The following GPC5 variants were observed in gnomAD, a reference collection of about 807,000 sequenced individuals.
The protein encoded by GPC5 is glypican 5.
A neutral mutation model predicts 53.9 loss-of-function variants in GPC5; 47 were observed. The observed-to-expected ratio is 0.87, with a 90% CI of 0.69 to 1.11. The LOEUF (loss-of-function observed/expected upper bound fraction) is 1.11. Among genes scored for constraint, GPC5 ranks in the 50% most tolerant of loss-of-function variants. The pLI is 0.00. For missense variants in GPC5, 748 were observed against 713.1 expected (o/e 1.05, Z -0.56); for synonymous variants, 286 against 263.3 (o/e 1.09, Z -0.84).
chr13:92,590,274 A>G (rs1229113498), intron 7 of GPC5, among the ~76,000 whole-genome samples: 1 of 152,122 alleles, frequency 6.6e-6, no homozygotes, highest in African/African-American at 2.4e-5. Flanking sequence ...CTTAAGAACA[A>G]AGGAGGACAC....
chr13:91,572,063 A>ATATG (rs1555326020), intron 2 of GPC5, among the ~76,000 whole-genome samples: 1 of 129,800 alleles, frequency 7.7e-6, no homozygotes, highest in African/African-American at 4.0e-5. Context: ...GTATATATAC[A>ATATG]TGTATATACA....
At chr13:91,559,399 A>G (rs2031134400) in intron 2 of GPC5, among the ~76,000 whole-genome samples, 2 of 152,288 alleles carry the variant, frequency 1.3e-5, no homozygotes, top group South Asian at 4.1e-4. Flanking sequence ...AAAGCCACAG[A>G]CTGAGAACCA....
chr13:92,167,738 A>G (rs1312537559), intron 7 of GPC5, among the ~76,000 whole-genome samples: 1 of 152,210 alleles, frequency 6.6e-6, no homozygotes, highest in Non-Finnish European at 1.5e-5. Flanking sequence ...ATCCCACTCT[A>G]CTGGTCTGAA....
At chr13:92,802,052 T>C (rs1228832877) in intron 7 of GPC5, among the ~76,000 whole-genome samples, 1 of 151,852 alleles carries the variant, frequency 6.6e-6, no homozygotes, top group Non-Finnish European at 1.5e-5. Context: ...TTCACATTCA[T>C]TCATTACTCA....
chr13:91,421,509 G>C (rs1878633345), intron 1 of GPC5, among the ~76,000 whole-genome samples: 1 of 152,010 alleles, frequency 6.6e-6, no homozygotes, highest in Non-Finnish European at 1.5e-5. Flanking sequence ...GATGATAAAA[G>C]TGAATAAAGG....
At chr13:92,799,710 A>G (rs1876830931) in intron 7 of GPC5, among the ~76,000 whole-genome samples, 1 of 151,770 alleles carries the variant, frequency 6.6e-6, no homozygotes, top group African/African-American at 2.4e-5. Context: ...GTTTGTGTTA[A>G]TACTACCATG....
At chr13:91,795,984 C>T (rs370933601) in intron 5 of GPC5, among the ~76,000 whole-genome samples, 5 of 152,012 alleles carry the variant, frequency 3.3e-5, no homozygotes, top group East Asian at 1.9e-4. Flanking sequence ...CTTTTGTTAC[C>T]GGGGGTCTTT....
chr13:92,330,304 C>T (rs924389513), intron 7 of GPC5, among the ~76,000 whole-genome samples: 5 of 152,126 alleles, frequency 3.3e-5, no homozygotes, highest in Non-Finnish European at 7.4e-5. Flanking sequence ...AGTTGTCCTC[C>T]AAAGTCCCCT....
chr13:91,750,610 C>T (rs1379578510), intron 4 of GPC5, among the ~76,000 whole-genome samples: 4 of 149,914 alleles, frequency 2.7e-5, no homozygotes, highest in Non-Finnish European at 4.4e-5. Context: ...ATTGAGCTGG[C>T]AACTGAGATT....
At chr13:92,046,074 G>A (rs114106270) in intron 6 of GPC5, among the ~76,000 whole-genome samples, 5 of 151,124 alleles carry the variant, frequency 3.3e-5, no homozygotes, top group African/African-American at 9.8e-5. Context: ...TCGCACCACC[G>A]CACTCCACAC....
chr13:92,169,191 C>T (rs889771237), intron 7 of GPC5, among the ~76,000 whole-genome samples: 5 of 151,714 alleles, frequency 3.3e-5, no homozygotes, highest in South Asian at 4.2e-4. Context: ...GGTGGGGTGG[C>T]GGGAAGGGAG....
chr13:92,765,992 G>C (rs1344618760), intron 7 of GPC5, among the ~76,000 whole-genome samples: 1 of 151,998 alleles, frequency 6.6e-6, no homozygotes, highest in Non-Finnish European at 1.5e-5. Flanking sequence ...TGCTGAGTTT[G>C]GGCTCAAAGT....
At chr13:92,215,542 C>T (rs2042403714) in intron 7 of GPC5, among the ~76,000 whole-genome samples, 1 of 152,158 alleles carries the variant, frequency 6.6e-6, no homozygotes, top group Non-Finnish European at 1.5e-5. Context: ...GTGACTCTAT[C>T]CCCTGCATCT....
chr13:91,708,431 G>A (rs1034823923), intron 3 of GPC5, among the ~76,000 whole-genome samples: 3 of 152,004 alleles, frequency 2.0e-5, no homozygotes, highest in East Asian at 1.9e-4. Flanking sequence ...CCAAAAGACC[G>A]CATATTGTAA....
At chr13:92,058,180 A>T (rs535461327) in intron 6 of GPC5, among the ~76,000 whole-genome samples, 10 of 152,218 alleles carry the variant, frequency 6.6e-5, no homozygotes, top group South Asian at 4.2e-4. Flanking sequence ...TAGATTTTTT[A>T]AAAAATATAT....
At chr13:92,347,882 T>TATTA (rs1491589093) in intron 7 of GPC5, among the ~76,000 whole-genome samples, 2 of 2,334 alleles carry the variant, frequency 8.6e-4, no homozygotes, top group African/African-American at 6.4e-3. Context: ...ATAATATATA[T>TATTA]TATATATATT....
intron 7 of GPC5, among the ~76,000 whole-genome samples, chr13:92,823,423 G>A (rs1361328271): frequency 1.3e-5 from 2 of 152,056 alleles, no homozygotes; most frequent in Non-Finnish European, 2.9e-5. Context: ...ATAATTTAAT[G>A]AAAGTAAAAA....
intron 2 of GPC5, among the ~76,000 whole-genome samples, chr13:91,686,544 G>A (rs190185309): frequency 7.9e-5 from 12 of 151,950 alleles, no homozygotes; most frequent in Admixed American, 6.6e-4. Context: ...CAGTATAAAC[G>A]CTTCCAGTCT....
rs574125770 is a variant in GPC5, at chr13:92,038,679, T to C, written c.1402-106151T>C. 9.3e-5 allele frequency among the ~76,000 whole-genome samples: 6 copies of C among 64,184 alleles called. No homozygotes were observed. In the East Asian group the frequency reaches 9.0e-3, roughly 96 times the overall value. The allele number at this position is 64,184 out of a possible 152,430, so 42.1% of individuals were successfully genotyped here. A position where few individuals can be genotyped will look rare whatever the true frequency, so the allele number is the denominator to read the frequency against. On this transcript the variant is annotated intron_variant, in intron 6 of 7. Coordinates refer to ENST00000377067, the MANE Select transcript of GPC5 (RefSeq NM_004466.6). ...ACACTTTAGTACAAATCTATATAGA[T>C]AGATAGATAGATAGATAGATAGATA...
Sources: gnomAD v4.1 joint callset for allele counts (sites outside exome capture counted in the v4.1 genomes callset) on GRCh38, gnomAD v4.1.1 for gene constraint, MANE v1.5 for transcripts, NCBI Gene and HGNC (gene_info 2026-07-23, HGNC 2026-07-21) for gene names.